PDE10A: variants seen among roughly 807,000 people sequenced by gnomAD.
PDE10A encodes the protein cAMP and cAMP-inhibited cGMP 3',5'-cyclic phosphodiesterase 10A.
A neutral mutation model predicts 97.7 loss-of-function variants in PDE10A; 39 were observed. The ratio of observed to expected loss-of-function variants is 0.40; its 90% confidence interval spans 0.31 to 0.52. The LOEUF (loss-of-function observed/expected upper bound fraction) is 0.52. Among genes scored for constraint, PDE10A ranks in the 20% least tolerant of loss-of-function variants. The pLI is 0.56. For missense variants in PDE10A, 731 were observed against 1,047.8 expected (o/e 0.70, Z 4.17); for synonymous variants, 371 against 376.8 (o/e 0.98, Z 0.18).
At chr6:165,870,437 C>T (rs376174829) in intron 1 of PDE10A, among the ~76,000 whole-genome samples, 19 of 152,026 alleles carry the variant, frequency 1.2e-4, no homozygotes, top group South Asian at 1.2e-3. Flanking sequence ...TGGCTACTAT[C>T]GAAAAGACAA....
chr6:165,678,189 C>A (rs1201326573), intron 1 of PDE10A, among the ~76,000 whole-genome samples: 5 of 83,392 alleles, frequency 6.0e-5, no homozygotes, highest in East Asian at 5.8e-4. Flanking sequence ...CCATGTGTGT[C>A]TGTGTATGTA....
chr6:165,921,734 A>G (rs1460977160), intron 1 of PDE10A, among the ~76,000 whole-genome samples: 1 of 152,202 alleles, frequency 6.6e-6, no homozygotes, highest in Non-Finnish European at 1.5e-5. Flanking sequence ...ATGGAAACCC[A>G]CTGCCATCAC....
At chr6:165,961,215 C>G (rs548514165) in intron 1 of PDE10A, among the ~76,000 whole-genome samples, 9 of 152,126 alleles carry the variant, frequency 5.9e-5, no homozygotes. Flanking sequence ...AGCTTTACAC[C>G]CTCTGAATTT....
Position 165,875,570 on chromosome 6 carries a change from T to C in PDE10A, c.-615+111959A>G, listed in dbSNP as rs371170070. ...AACCATTGATTTTATAAGTTTTTACTCAGGAAAACATTCAAGTCCAGAACT... is the reference window on the plus strand; with the variant it reads ...AACCATTGATTTTATAAGTTTTTACCCAGGAAAACATTCAAGTCCAGAACT... On this transcript the variant is annotated intron_variant, in intron 1 of 19. Coordinates refer to the PDE10A transcript ENST00000366882. Among the ~76,000 whole-genome samples, 6 of 152,312 alleles carry C rather than the reference T, an allele frequency of 3.9e-5. No individual in the cohort carries two copies. In the South Asian group the frequency reaches 1.2e-3, roughly 32 times the overall value.
intron 1 of PDE10A, among the ~76,000 whole-genome samples, chr6:165,843,601 C>T (rs149857829): frequency 5.0e-4 from 76 of 152,254 alleles, no homozygotes; most frequent in African/African-American, 1.6e-3. Context: ...CTCCTTTCCA[C>T]GGACACCCAC....
intron 1 of PDE10A, among the ~76,000 whole-genome samples, chr6:165,628,605 A>C (rs2128413254): frequency 6.6e-6 from 1 of 152,160 alleles, no homozygotes; most frequent in East Asian, 1.9e-4. Context: ...CAACCTCCCA[A>C]AGCGCTGGCA....
chr6:165,656,600 G>A (rs1789980131), intron 1 of PDE10A, among the ~76,000 whole-genome samples: 1 of 152,002 alleles, frequency 6.6e-6, no homozygotes, highest in Non-Finnish European at 1.5e-5. Flanking sequence ...CCTTAGCTTA[G>A]CCTAAGTAAT....
intron 13 of PDE10A, among the ~76,000 whole-genome samples, chr6:165,400,950 AAAT>A (rs1786614821): frequency 6.6e-6 from 1 of 152,230 alleles, no homozygotes. Flanking sequence ...GAAAAAAGCC[AAAT>A]AATACAGATT....
At chr6:165,407,162 C>T (rs1263926117) in intron 13 of PDE10A, among the ~76,000 whole-genome samples, 1 of 152,002 alleles carries the variant, frequency 6.6e-6, no homozygotes, top group Admixed American at 6.6e-5. Flanking sequence ...TCTGGAGAAC[C>T]CTAATGCACC....
In PDE10A at chr6:165,407,400, G is replaced by A. The variant is rs554421332; in HGVS notation, c.2076+6101C>T. On this transcript the variant is annotated intron_variant, in intron 13 of 21. Coordinates refer to ENST00000539869, the MANE Select transcript of PDE10A (RefSeq NM_001385079.1). ...ACATCCATTTTTTTTCTTATAAAAC[G>A]TGGAGATAATAATAACCACACTCAT... 7.2e-5 allele frequency among the ~76,000 whole-genome samples: 11 copies of A among 152,152 alleles called. No homozygotes were observed. The South Asian group carries it at 1.7e-3, about 23-fold the overall frequency.
chr6:165,680,914 CTG>C (rs1416820598), intron 1 of PDE10A, among the ~76,000 whole-genome samples: 1 of 152,218 alleles, frequency 6.6e-6, no homozygotes, highest in Non-Finnish European at 1.5e-5. Flanking sequence ...TCATTACCTT[CTG>C]CCTGCATTCA....
intron 1 of PDE10A, chr6:165,910,921 A>T (rs1208680269): frequency 6.6e-6 from 1 of 152,222 alleles, no homozygotes; most frequent in Non-Finnish European, 1.5e-5. Flanking sequence ...ACTGGTCAGC[A>T]CTGGGACTGG....
At chr6:165,386,900 C>T (rs1785344229) in intron 17 of PDE10A, among the ~76,000 whole-genome samples, 1 of 150,910 alleles carries the variant, frequency 6.6e-6, no homozygotes, top group African/African-American at 2.4e-5. Context: ...CCTGTAGTTC[C>T]AGCTACTTGG....
At chr6:165,480,878 A>G (rs544750445) in intron 3 of PDE10A, among the ~76,000 whole-genome samples, 34 of 152,272 alleles carry the variant, frequency 2.2e-4, no homozygotes, top group African/African-American at 7.9e-4. Flanking sequence ...TTTTTTCAAA[A>G]AAACGTTATA....
intron 1 of PDE10A, among the ~76,000 whole-genome samples, chr6:165,599,389 AG>A (rs1786799913): frequency 6.6e-6 from 1 of 152,166 alleles, no homozygotes; most frequent in African/African-American, 2.4e-5. Flanking sequence ...GTGCCCGTAT[AG>A]TTTTCTCTTC....
At chr6:165,713,173 C>A (rs746904102) in intron 1 of PDE10A, among the ~76,000 whole-genome samples, 7 of 152,178 alleles carry the variant, frequency 4.6e-5, no homozygotes, top group Non-Finnish European at 8.8e-5. Flanking sequence ...GCAGTAAAAC[C>A]ACAAAGGAGC....
At chr6:165,349,083 G>A (rs1333063591) in intron 18 of PDE10A, among the ~76,000 whole-genome samples, 2 of 152,186 alleles carry the variant, frequency 1.3e-5, no homozygotes, top group Non-Finnish European at 2.9e-5. Flanking sequence ...CTGCTATAAA[G>A]ATACATGAAA....
At chr6:165,905,036 G>A (rs1782222283) in intron 1 of PDE10A, among the ~76,000 whole-genome samples, 1 of 152,016 alleles carries the variant, frequency 6.6e-6, no homozygotes, top group Non-Finnish European at 1.5e-5. Context: ...GAGCTTTTGT[G>A]TAATAGAATA....
intron 18 of PDE10A, among the ~76,000 whole-genome samples, chr6:165,354,407 C>T (rs1782893319): frequency 6.6e-6 from 1 of 152,114 alleles, no homozygotes; most frequent in African/African-American, 2.4e-5. Flanking sequence ...TAAGAGCATA[C>T]TTAATCTTGT....
Sources: allele counts gnomAD v4.1 joint callset (sites outside exome capture counted in the v4.1 genomes callset), GRCh38; gene constraint gnomAD v4.1.1; transcripts MANE v1.5; gene names NCBI Gene and HGNC (gene_info 2026-07-23, HGNC 2026-07-21).